Variants in SLC11A2 observed in about 807,000 individuals in gnomAD.
SLC11A2 encodes natural resistance-associated macrophage protein 2.
A neutral mutation model predicts 68.0 loss-of-function variants in SLC11A2; 38 were observed. The observed-to-expected ratio is 0.56, with a 90% CI of 0.43 to 0.73. The LOEUF (loss-of-function observed/expected upper bound fraction) is 0.73. Among genes scored for constraint, SLC11A2 ranks in the 30% least tolerant of loss-of-function variants. The probability of loss-of-function intolerance (pLI) is 0.00; values close to 1 mark genes in which losing one functional copy is unlikely to be tolerated. For synonymous variants in SLC11A2, 242 were observed against 250.6 expected, an observed-to-expected ratio of 0.97 and a Z score of 0.32; for missense variants, 517 against 690.5, an observed-to-expected ratio of 0.75 and a Z score of 2.82.
At chr12:50,960,839 T>G in the SLC11A2 span, 1 of 728,018 alleles carries the variant, frequency 1.4e-6, no homozygotes. Context: ...TGTATCACCA[T>G]GTGTGGCTAA....
chr12:50,991,274 A>G (rs1249997851), intron 14 of SLC11A2, among the ~76,000 whole-genome samples: 3 of 152,174 alleles, frequency 2.0e-5, no homozygotes, highest in Non-Finnish European at 2.9e-5. Context: ...ATATCCTTTA[A>G]AGATATATAT....
At chr12:50,970,611 A>C in the SLC11A2 span, 1 of 697,458 alleles carries the variant, frequency 1.4e-6, no homozygotes, top group African/African-American at 1.8e-5. Context: ...AGTGTCACAG[A>C]ATGCTCATAG....
intron 12 of SLC11A2, 130 bp downstream of exon 12, chr12:50,992,680 C>T (rs751012654): frequency 6.5e-5 from 63 of 965,096 alleles, no homozygotes; most frequent in South Asian, 2.1e-4. Flanking sequence ...TGCAGTGAGC[C>T]GAGATCATGC....
rs779001779 is a variant in SLC11A2, at chr12:50,991,605, T to C, written c.1415A>G (p.Asn472Ser). 15 of 1,613,650 alleles carry C rather than the reference T, an allele frequency of 9.3e-6. No individual in the cohort carries two copies. Among genetic ancestry groups the C allele is most frequent in the Middle Eastern group, 1.7e-4 (1 of 6,058 alleles). ...CGAAGAGGAGTACACTCACAGTCCA[T>C]TGGCAAAGTCACTCATTACTGGCCG... ...SLRPVMSDFA[N>S]GLGWRIAGGI... The change falls in exon 14 of 16, where the codon AAT becomes AGT. Residue 472 changes from asparagine (N) to serine (S), a missense_variant. Transcript: ENST00000262052.
chr12:50,991,534 A>G (rs1311476906), intron 14 of SLC11A2, 65 bp downstream of exon 14: 3 of 1,251,212 alleles, frequency 2.4e-6, no homozygotes, highest in South Asian at 1.2e-5. Context: ...TGACTGGCCT[A>G]CTGCATGAAG....
At chr12:50,970,490 G>A in the SLC11A2 span, 84 of 1,533,380 alleles carry the variant, frequency 5.5e-5, no homozygotes, top group Admixed American at 1.2e-4. Flanking sequence ...CGATTCTTCA[G>A]TGAGTCCAAA....
At position 51,026,281 on chromosome 12, in the gene SLC11A2, C is replaced by T. The variant is rs1337881925; in HGVS notation, c.-39+29G>A. The T allele has an allele frequency of 6.5e-6, 8 of 1,227,694 alleles. No individual in the cohort carries two copies. The African/African-American group carries it at 7.9e-5, about 12-fold the overall frequency. 76.1% of individuals were successfully genotyped at this position (1,227,694 alleles called of 1,614,324 possible). On this transcript the variant is annotated intron_variant, in intron 1 of 15. Transcript: ENST00000262052. ...CCCTCCCTGCCAGCGAGCGGAATGC[C>T]GTGACCCCTGACCTTGCCTTCCCCT... is the stretch of plus-strand genomic sequence containing the variant.
chr12:51,027,690 C>T (rs147168560), upstream of SLC11A2, among the ~76,000 whole-genome samples: 95 of 152,226 alleles, frequency 6.2e-4, no homozygotes, highest in African/African-American at 2.3e-3. Context: ...TCTGCAATGT[C>T]GTTTACAGCC....
intron 1 of SLC11A2, among the ~76,000 whole-genome samples, chr12:51,011,896 C>T (rs751541973): frequency 5.3e-5 from 8 of 152,044 alleles, no homozygotes; most frequent in Non-Finnish European, 1.0e-4. Context: ...ATCTGTAATT[C>T]TCTTTGGTCT....
At chr12:51,020,480 C>A (rs1161933982) in intron 1 of SLC11A2, among the ~76,000 whole-genome samples, 1 of 152,180 alleles carries the variant, frequency 6.6e-6, no homozygotes, top group African/African-American at 2.4e-5. Context: ...AAACTCTAAT[C>A]CCCTCTACTC....
upstream of SLC11A2, among the ~76,000 whole-genome samples, chr12:51,027,882 G>A (rs1281779615): frequency 7.5e-6 from 1 of 133,092 alleles, no homozygotes; most frequent in Non-Finnish European, 1.6e-5. Context: ...CAAATAAAGT[G>A]CGAAGTAAAA....
At chr12:50,954,770 C>A in the SLC11A2 span, among the ~76,000 whole-genome samples, 1 of 152,110 alleles carries the variant, frequency 6.6e-6, no homozygotes, top group African/African-American at 2.4e-5. Context: ...ACTTCTGCAT[C>A]TAATGTTTTT....
chr12:50,953,395 T>C, the SLC11A2 span, among the ~76,000 whole-genome samples: 3 of 152,236 alleles, frequency 2.0e-5, no homozygotes, highest in African/African-American at 4.8e-5. Flanking sequence ...GTTGTGATTA[T>C]AGTTGCTTTT....
downstream of SLC11A2, among the ~76,000 whole-genome samples, chr12:50,985,329 G>T (rs1307418272): frequency 6.6e-6 from 1 of 152,126 alleles, no homozygotes; most frequent in Non-Finnish European, 1.5e-5. Context: ...ACTAAATGAG[G>T]AAGGACAACA....
chr12:50,960,270 C>G, the SLC11A2 span, among the ~76,000 whole-genome samples: 1 of 152,194 alleles, frequency 6.6e-6, no homozygotes, highest in Non-Finnish European at 1.5e-5. Flanking sequence ...TCTCACTCTA[C>G]TGGGTTTACT....
At chr12:51,003,720 G>A (rs888193600) in intron 5 of SLC11A2, among the ~76,000 whole-genome samples, 1 of 147,272 alleles carries the variant, frequency 6.8e-6, no homozygotes, top group African/African-American at 2.5e-5. Context: ...CTGAGCCCAG[G>A]AGTTTGAGAC....
the SLC11A2 span, chr12:50,953,851 G>C: frequency 1.3e-5 from 7 of 553,254 alleles, no homozygotes; most frequent in Admixed American, 9.8e-5. Flanking sequence ...GTGAAGGAAA[G>C]ACAATTGTTT....
chr12:50,992,845 T>C lies in SLC11A2; in HGVS notation c.1162A>G (p.Met388Val). 2 of 1,614,020 alleles carry C rather than the reference T, an allele frequency of 1.2e-6. No homozygotes were observed. The highest frequency in any genetic ancestry group is 1.1e-5 in the South Asian group (1 of 91,078). The change falls in exon 12 of 16, where the codon ATG becomes GTG. Residue 388 changes from methionine to valine, a missense_variant. Transcript: ENST00000262052. The stretch of plus-strand genomic sequence containing the variant: ...AACTGGCCAGAATAGGTTCCTGTCA[T>C]GGTGGAGCTCTGTCCTGCAGCCAGG... ...GILAAGQSST[M>V]TGTYSGQFVM...
the SLC11A2 span, among the ~76,000 whole-genome samples, chr12:50,963,739 T>C: frequency 1.3e-5 from 2 of 152,206 alleles, no homozygotes; most frequent in African/African-American, 4.8e-5. Context: ...GCTGCATCAT[T>C]TCCACCTTCT....
Sources: allele counts gnomAD v4.1 joint callset (sites outside exome capture counted in the v4.1 genomes callset), GRCh38; gene constraint gnomAD v4.1.1; transcripts MANE v1.5; gene names NCBI Gene and HGNC (gene_info 2026-07-23, HGNC 2026-07-21).